The following GPM6A variants were observed in gnomAD, a reference collection of about 807,000 sequenced individuals.
GPM6A encodes neuronal membrane glycoprotein M6-a.
Under a neutral mutation model 32.1 loss-of-function variants are expected in GPM6A, and 7 were observed. The ratio of observed to expected loss-of-function variants is 0.22; its 90% CI spans 0.12 to 0.41. The LOEUF is 0.41. GPM6A is among the 10% of genes least tolerant of loss of function. GPM6A has a pLI of 1.00. For missense variants in GPM6A, 235 were observed against 347.2 expected (o/e 0.68, Z 2.57); for synonymous variants, 130 against 123.4 (o/e 1.05, Z -0.35).
At chr4:175,684,515 T>C (rs1370268656) in intron 2 of GPM6A, among the ~76,000 whole-genome samples, 1 of 152,188 alleles carries the variant, frequency 6.6e-6, no homozygotes, top group Non-Finnish European at 1.5e-5. Context: ...TCAAATTAGA[T>C]AAAATCAGAT....
At chr4:175,637,465 C>T (rs1335443873) in intron 6 of GPM6A, among the ~76,000 whole-genome samples, 4 of 46,208 alleles carry the variant, frequency 8.7e-5, no homozygotes, top group Admixed American at 3.6e-4. Context: ...TAGAAGGACT[C>T]CCAGTAACCT....
intron 1 of GPM6A, among the ~76,000 whole-genome samples, chr4:175,958,629 C>T (rs1292070374): frequency 6.6e-6 from 1 of 152,180 alleles, no homozygotes; most frequent in Non-Finnish European, 1.5e-5. Context: ...CTGGAGAATG[C>T]TTGCCTCTAG....
intron 6 of GPM6A, among the ~76,000 whole-genome samples, chr4:175,636,764 C>T (rs948226455): frequency 1.7e-4 from 26 of 149,466 alleles, no homozygotes; most frequent in Admixed American, 4.1e-4. Context: ...ATACTCTCCT[C>T]TAGCCTGGGC....
chr4:175,787,473 T>C, intron 1 of GPM6A: 1 of 1,498,030 alleles, frequency 6.7e-7, no homozygotes, highest in Non-Finnish European at 8.9e-7. Context: ...TTTTTCTAAA[T>C]TGTTTTTTTA....
At chr4:175,923,782 G>A (rs1031785918) in intron 1 of GPM6A, among the ~76,000 whole-genome samples, 5 of 152,134 alleles carry the variant, frequency 3.3e-5, no homozygotes, top group African/African-American at 7.2e-5. Context: ...TCCAACTCCT[G>A]AGCTCAAGAG....
At chr4:175,959,396 A>T (rs553706393) in intron 1 of GPM6A, among the ~76,000 whole-genome samples, 93 of 152,092 alleles carry the variant, frequency 6.1e-4, no homozygotes, top group Non-Finnish European at 7.8e-4. Context: ...CCTCTCATGC[A>T]TCTAGAAATG....
chr4:175,945,270 T>G lies in GPM6A; in HGVS notation c.-23+57039A>C, dbSNP rs528768553. ...ACTGCACGTATCACTAGATAAGCTG[T>G]GTAATCTAATTGAATTTATTAAAGG... On this transcript the variant is annotated intron_variant, in intron 1 of 7. Coordinates refer to the GPM6A transcript ENST00000280187. Among the ~76,000 whole-genome samples the G allele has an allele frequency of 2.0e-5, 3 of 152,306 alleles. No individual in the cohort carries two copies. The South Asian group carries it at 6.2e-4, about 32-fold the overall frequency.
chr4:175,828,730 T>G (rs1348093698), intron 1 of GPM6A, among the ~76,000 whole-genome samples: 1 of 152,252 alleles, frequency 6.6e-6, no homozygotes, highest in East Asian at 1.9e-4. Context: ...TAATTATAAG[T>G]AGACTTATAG....
rs145872472 is a variant in GPM6A at position 175,820,061 on chromosome 4, G to A, written c.-22-7812C>T. 1.5e-3 allele frequency among the ~76,000 whole-genome samples: 234 copies of A among 152,222 alleles called. 2 individuals are homozygous for A. Among genetic ancestry groups the A allele is most frequent in the Non-Finnish European group, 2.8e-3 (191 of 68,012 alleles). On this transcript the variant is annotated intron_variant, in intron 1 of 7. Transcript: ENST00000280187. ...ATTTCTAATATGCTTGATAGCTTTC[G>A]TCAACAAATGCAATTATCATCTAAG...
At chr4:175,956,681 A>G (rs1309551251) in intron 1 of GPM6A, among the ~76,000 whole-genome samples, 2 of 152,248 alleles carry the variant, frequency 1.3e-5, no homozygotes, top group Admixed American at 6.5e-5. Flanking sequence ...TACAAAAGAA[A>G]GTTGATTAAT....
chr4:175,944,452 T>C (rs577020781), intron 1 of GPM6A, among the ~76,000 whole-genome samples: 1 of 152,340 alleles, frequency 6.6e-6, no homozygotes, highest in Non-Finnish European at 1.5e-5. Flanking sequence ...TAAACAGAAC[T>C]ATCTATAAAA....
chr4:175,670,573 GTAAA>G (rs1336881436), intron 3 of GPM6A, among the ~76,000 whole-genome samples: 2 of 152,110 alleles, frequency 1.3e-5, no homozygotes, highest in Non-Finnish European at 2.9e-5. Flanking sequence ...AATATTTAAG[GTAAA>G]TAAATTTTGT....
intron 2 of GPM6A, among the ~76,000 whole-genome samples, chr4:175,681,487 A>G (rs1021212195): frequency 1.3e-5 from 2 of 152,160 alleles, no homozygotes; most frequent in South Asian, 2.1e-4. Flanking sequence ...AATAAGGGAT[A>G]TTATACTTTT....
At chr4:175,708,473 C>A (rs527857544) in intron 1 of GPM6A, among the ~76,000 whole-genome samples, 6 of 151,904 alleles carry the variant, frequency 3.9e-5, no homozygotes, top group Admixed American at 1.3e-4. Flanking sequence ...GCAACCTCCG[C>A]CTCCTGGGTT....
intron 1 of GPM6A, among the ~76,000 whole-genome samples, chr4:175,918,848 T>C (rs1159495336): frequency 6.6e-6 from 1 of 152,184 alleles, no homozygotes; most frequent in African/African-American, 2.4e-5. Context: ...GAAGGAATTA[T>C]CATCACATCT....
intron 1 of GPM6A, among the ~76,000 whole-genome samples, chr4:175,958,177 G>C (rs1431878713): frequency 6.6e-6 from 1 of 152,196 alleles, no homozygotes; most frequent in Non-Finnish European, 1.5e-5. Flanking sequence ...ACAGGCGTGA[G>C]CCACCATGCC....
At position 175,640,118 on chromosome 4, in the gene GPM6A, T is replaced by C. The variant is rs1303709702; in HGVS notation, c.684+11A>G. 6.2e-7 allele frequency: 1 copy of C among 1,605,034 alleles called. No individual in the cohort carries two copies. Among genetic ancestry groups the C allele is most frequent in the Admixed American group, 1.7e-5 (1 of 59,982 alleles). On this transcript the variant is annotated intron_variant, in intron 6 of 6. Transcript: ENST00000393658. Reference sequence around the variant, plus strand: ...CATTGAAAACCAAGCACCAGCGCTTTGAGGTCTTACCATAGCAATGACTGC... The same window carrying C: ...CATTGAAAACCAAGCACCAGCGCTTCGAGGTCTTACCATAGCAATGACTGC...
At chr4:175,749,792 T>C (rs1732249565) in intron 1 of GPM6A, among the ~76,000 whole-genome samples, 1 of 152,200 alleles carries the variant, frequency 6.6e-6, no homozygotes, top group Non-Finnish European at 1.5e-5. Context: ...AGTTCCTCTT[T>C]AGACATCCTT....
chr4:175,740,426 A>T (rs1731844025), intron 1 of GPM6A, among the ~76,000 whole-genome samples: 1 of 152,074 alleles, frequency 6.6e-6, no homozygotes, highest in Non-Finnish European at 1.5e-5. Flanking sequence ...AAGACCATTA[A>T]AAGTAATTCA....
Sources: gnomAD v4.1 joint callset for allele counts (sites outside exome capture counted in the v4.1 genomes callset) on GRCh38, gnomAD v4.1.1 for gene constraint, MANE v1.5 for transcripts, NCBI Gene and HGNC (gene_info 2026-07-23, HGNC 2026-07-21) for gene names.